The following DYRK1A variants were observed in gnomAD, a reference collection of about 807,000 sequenced individuals.
DYRK1A encodes dual specificity tyrosine phosphorylation regulated kinase 1A, also known as dual specificity tyrosine-phosphorylation-regulated kinase 1A.
A neutral mutation model predicts 79.7 loss-of-function variants in DYRK1A; 9 were observed. The ratio of observed to expected loss-of-function variants is 0.11; its 90% CI spans 0.07 to 0.20. The LOEUF is 0.20. Among genes scored for constraint, DYRK1A ranks in the 10% least tolerant of loss-of-function variants. DYRK1A has a pLI of 1.00. For synonymous variants in DYRK1A, 349 were observed against 329.7 expected (o/e 1.06, Z -0.63); for missense variants, 622 against 956.0 (o/e 0.65, Z 4.61).
In DYRK1A at chr21:37,516,620, G is replaced by T. The variant is rs1197955090; in HGVS notation, c.*4089G>T. ...CCTGGACCAGGAATTTTTGACGTAT[G>T]CCTGTGTTGAAGGCACTGGATGCTT... On this transcript the variant is annotated 3_prime_UTR_variant, in exon 12 of 12. Transcript: ENST00000647188. The T allele has an allele frequency of 2.6e-5, 4 of 152,214 alleles. No homozygotes were observed. In the South Asian group the frequency reaches 8.3e-4, roughly 31 times the overall value. 9.4% of individuals were successfully genotyped at this position (152,214 alleles called of 1,614,324 possible).
chr21:37,437,480 T>C (rs2050959114), intron 2 of DYRK1A, among the ~76,000 whole-genome samples: 2 of 152,200 alleles, frequency 1.3e-5, no homozygotes, highest in African/African-American at 4.8e-5. Flanking sequence ...TGTGTTATAA[T>C]TGGCCTACAG....
intron 9 of DYRK1A, chr21:37,501,944 C>A (rs2860151): frequency 6.6e-6 from 1 of 152,154 alleles, no homozygotes; most frequent in South Asian, 2.1e-4. Flanking sequence ...GATATTGTTA[C>A]GACTTATTGA....
At chr21:37,384,161 A>G (rs1270494190) in intron 1 of DYRK1A, among the ~76,000 whole-genome samples, 1 of 152,108 alleles carries the variant, frequency 6.6e-6, no homozygotes, top group Non-Finnish European at 1.5e-5. Context: ...GAAAACAAAG[A>G]TTGGAGTTAG....
chr21:37,373,014 A>G (rs1184777566), intron 1 of DYRK1A, among the ~76,000 whole-genome samples: 1 of 152,206 alleles, frequency 6.6e-6, no homozygotes, highest in Non-Finnish European at 1.5e-5. Flanking sequence ...GTCCATTTGG[A>G]CAGGAAGAAG....
intron 6 of DYRK1A, among the ~76,000 whole-genome samples, chr21:37,489,951 T>C (rs1037634960): frequency 1.3e-5 from 2 of 152,192 alleles, no homozygotes; most frequent in Non-Finnish European, 2.9e-5. Context: ...GCTTACCTTA[T>C]ATCACTTACC....
intron 2 of DYRK1A, among the ~76,000 whole-genome samples, chr21:37,421,208 G>A (rs2050465713): frequency 1.3e-5 from 2 of 151,998 alleles, no homozygotes; most frequent in African/African-American, 4.8e-5. Flanking sequence ...TAAACTGTTT[G>A]AAAATGTGAT....
At chr21:37,469,114 A>G (rs142702447) in intron 2 of DYRK1A, among the ~76,000 whole-genome samples, 4 of 152,348 alleles carry the variant, frequency 2.6e-5, no homozygotes, top group Admixed American at 2.0e-4. Flanking sequence ...TTGGAGTACC[A>G]CAGCACAAAT....
intron 4 of DYRK1A, among the ~76,000 whole-genome samples, chr21:37,478,991 T>C (rs2052501960): frequency 6.6e-6 from 1 of 152,218 alleles, no homozygotes; most frequent in Admixed American, 6.5e-5. Context: ...TTCAACTCTG[T>C]CTCCAAAGTT....
chr21:37,406,016 C>CT (rs913148077), intron 1 of DYRK1A, among the ~76,000 whole-genome samples: 351 of 144,120 alleles, frequency 2.4e-3, no homozygotes, highest in Middle Eastern at 7.0e-3. Context: ...GGTCATTCCT[C>CT]TTTTTTTTTT....
chr21:37,470,659 TCCTA>T (rs1293231030), intron 2 of DYRK1A, among the ~76,000 whole-genome samples: 1 of 152,226 alleles, frequency 6.6e-6, no homozygotes, highest in Non-Finnish European at 1.5e-5. Context: ...TTATATTCCT[TCCTA>T]CCTTTTTCTT....
intron 7 of DYRK1A, 82 bp from the exon 8 acceptor site, chr21:37,492,935 T>A: frequency 3.4e-6 from 4 of 1,183,586 alleles, no homozygotes; most frequent in Non-Finnish European, 4.8e-6. Context: ...TCTTTTCTGT[T>A]AATATCAGAT....
At chr21:37,470,345 C>G (rs1015654797) in intron 2 of DYRK1A, among the ~76,000 whole-genome samples, 32 of 152,106 alleles carry the variant, frequency 2.1e-4, no homozygotes, top group African/African-American at 7.7e-4. Context: ...TTTTTATCCT[C>G]TTTTCTACAA....
intron 2 of DYRK1A, among the ~76,000 whole-genome samples, chr21:37,431,428 C>A (rs1023574357): frequency 6.6e-6 from 1 of 152,158 alleles, no homozygotes; most frequent in Admixed American, 6.5e-5. Context: ...CGAAGTTGCC[C>A]ATTGGAGATG....
chr21:37,507,706 G>GT (rs1461716883), intron 11 of DYRK1A, among the ~76,000 whole-genome samples: 1 of 126,708 alleles, frequency 7.9e-6, no homozygotes, highest in Non-Finnish European at 1.5e-5. Flanking sequence ...TGTCTGTTTC[G>GT]TTTTTTTTCT....
At chr21:37,482,122 A>G (rs1022536544) in intron 5 of DYRK1A, among the ~76,000 whole-genome samples, 2 of 152,200 alleles carry the variant, frequency 1.3e-5, no homozygotes, top group Admixed American at 6.5e-5. Context: ...TGGAACCTGC[A>G]TGTGCTTACT....
At chr21:37,420,250 A>G in intron 1 of DYRK1A, 49 bp from the exon 2 acceptor site, 2 of 635,958 alleles carry the variant, frequency 3.1e-6, no homozygotes, top group East Asian at 3.0e-5. Context: ...AGTTGGGGTA[A>G]TTGTCTTGCA....
intron 2 of DYRK1A, among the ~76,000 whole-genome samples, chr21:37,453,474 G>T (rs895634873): frequency 6.6e-6 from 1 of 151,924 alleles, no homozygotes; most frequent in Non-Finnish European, 1.5e-5. Flanking sequence ...CAGTGAGGCA[G>T]GAGCATATTT....
Position 37,508,793 on chromosome 21 carries a change from C to T in DYRK1A, c.1644+2570C>T, listed in dbSNP as rs761314028. Among the ~76,000 whole-genome samples the T allele has an allele frequency of 1.3e-5, 2 of 152,158 alleles. 1 individual carries two copies. Among genetic ancestry groups the T allele is most frequent in the South Asian group, 4.1e-4 (2 of 4,832 alleles). On this transcript the variant is annotated intron_variant, in intron 11 of 11. Coordinates refer to ENST00000647188, the MANE Select transcript of DYRK1A (RefSeq NM_001347721.2). ...TTACTTTTCTTACATTTCCTGTGCTCTCAGCCTGGAACACTCTTTTCCTCC... is the reference window on the plus strand; with the variant it reads ...TTACTTTTCTTACATTTCCTGTGCTTTCAGCCTGGAACACTCTTTTCCTCC...
chr21:37,480,537 A>G (rs2052600320), intron 4 of DYRK1A, 101 bp from the exon 5 acceptor site: 1 of 896,908 alleles, frequency 1.1e-6, no homozygotes, highest in African/African-American at 1.7e-5. Context: ...TCTAACTCAA[A>G]TGTCAACTGT....
Sources: allele counts gnomAD v4.1 joint callset (sites outside exome capture counted in the v4.1 genomes callset), GRCh38; gene constraint gnomAD v4.1.1; transcripts MANE v1.5; gene names NCBI Gene and HGNC (gene_info 2026-07-23, HGNC 2026-07-21).